Variants in ZC3H3 observed in about 807,000 individuals in gnomAD.
The protein encoded by ZC3H3 is zinc finger CCCH domain-containing protein 3.
A neutral mutation model predicts 77.3 loss-of-function variants in ZC3H3; 36 were observed. That is an observed-to-expected ratio of 0.47 (90% confidence interval 0.36 to 0.61). The LOEUF (loss-of-function observed/expected upper bound fraction) is 0.61. ZC3H3 is among the 20% of genes least tolerant of loss of function. The pLI, the probability that ZC3H3 is intolerant of heterozygous loss-of-function variation, is 0.00. For synonymous variants in ZC3H3, 626 were observed against 555.2 expected, an observed-to-expected ratio of 1.13 and a Z score of -1.79; for missense variants, 1,331 against 1,312.2, an observed-to-expected ratio of 1.01 and a Z score of -0.22.
rs751324320 is a variant in ZC3H3 at position 143,468,370 on chromosome 8, G to A, written c.2105+12C>T. 4.3e-6 allele frequency: 7 copies of A among 1,612,402 alleles called. No homozygotes were observed. The highest frequency in any genetic ancestry group is 2.2e-5 in the East Asian group (1 of 44,844). On this transcript the variant is annotated intron_variant, in intron 7 of 11. Coordinates refer to ENST00000262577, the MANE Select transcript of ZC3H3 (RefSeq NM_015117.3). ...AACCTCCCCCAGGCCCACAGCGAGG[G>A]CAGGAGGGCACCTGGTGCACACGGC...
intron 3 of ZC3H3, chr8:143,523,626 C>A: frequency 1.4e-5 from 11 of 797,088 alleles, no homozygotes; most frequent in African/African-American, 1.9e-5. Context: ...CTGTCCTCAT[C>A]CAGCTTGGGC....
chr8:143,499,615 A>G (rs1821463405), intron 4 of ZC3H3, among the ~76,000 whole-genome samples: 1 of 151,900 alleles, frequency 6.6e-6, no homozygotes, highest in Admixed American at 6.5e-5. Flanking sequence ...CACAGCATTC[A>G]GGGCCGCCCT....
intron 9 of ZC3H3, among the ~76,000 whole-genome samples, chr8:143,464,200 G>A (rs1365956384): frequency 6.6e-5 from 10 of 152,268 alleles, no homozygotes; most frequent in South Asian, 2.1e-4. Context: ...GCGCCGCGGC[G>A]CGGACACACG....
intron 3 of ZC3H3, among the ~76,000 whole-genome samples, 162 bp from the exon 4 acceptor site, chr8:143,508,061 T>C (rs1821761757): frequency 6.6e-6 from 1 of 152,154 alleles, no homozygotes; most frequent in Non-Finnish European, 1.5e-5. Flanking sequence ...GGCACACACA[T>C]CCCCAGGGCG....
intron 11 of ZC3H3, among the ~76,000 whole-genome samples, chr8:143,439,138 G>A (rs573098647): frequency 4.6e-5 from 7 of 151,892 alleles, no homozygotes; most frequent in African/African-American, 1.5e-4. Context: ...TCGCTGCCTC[G>A]GGGCCCCATC....
intron 3 of ZC3H3, among the ~76,000 whole-genome samples, chr8:143,517,938 G>T (rs1202078469): frequency 1.3e-5 from 2 of 152,210 alleles, no homozygotes; most frequent in East Asian, 1.9e-4. Flanking sequence ...CCTGCTCGGG[G>T]CCAGGACAGC....
intron 9 of ZC3H3, among the ~76,000 whole-genome samples, chr8:143,464,215 G>A (rs1413068080): frequency 3.9e-5 from 6 of 152,266 alleles, no homozygotes; most frequent in Non-Finnish European, 7.3e-5. Context: ...CACACGGAAA[G>A]GCAGCAGTAA....
chr8:143,465,723 A>AC lies in ZC3H3; in HGVS notation c.2300dup (p.Ala768CysfsTer164). ...GCCCCCACAGACCACTCACCTTTGC[A>AC]CCCAGGGGGCAGTAGCCTTTGAGGA... On this transcript the variant is annotated frameshift_variant, in exon 9 of 12. Transcript: ENST00000262577. LOFTEE classifies it high-confidence loss of function. The AC allele has an allele frequency of 6.2e-7, 1 of 1,613,668 alleles. No homozygotes were observed. The highest frequency in any genetic ancestry group is 8.5e-7 in the Non-Finnish European group (1 of 1,179,952).
chr8:143,474,133 G>A (rs922445533), intron 5 of ZC3H3, among the ~76,000 whole-genome samples: 2 of 152,122 alleles, frequency 1.3e-5, no homozygotes, highest in Non-Finnish European at 2.9e-5. Context: ...GCAGAGATGA[G>A]ACCACACGCA....
chr8:143,440,848 G>C (rs2294115), intron 10 of ZC3H3, 88 bp downstream of exon 10: 1 of 1,284,560 alleles, frequency 7.8e-7, no homozygotes, highest in South Asian at 2.4e-5. Flanking sequence ...TGGAGTTGGC[G>C]GGAGCTCAAC....
At chr8:143,506,310 G>A (rs865847177) in intron 4 of ZC3H3, among the ~76,000 whole-genome samples, 66 of 152,350 alleles carry the variant, frequency 4.3e-4, no homozygotes, top group Middle Eastern at 6.8e-3. Flanking sequence ...ACCACAGGAC[G>A]GGAAGCAGGA....
At chr8:143,455,000 G>C (rs182602076) in intron 9 of ZC3H3, among the ~76,000 whole-genome samples, 1 of 151,972 alleles carries the variant, frequency 6.6e-6, no homozygotes, top group African/African-American at 2.4e-5. Flanking sequence ...TAGGTAAAAA[G>C]GTCAAAGTTC....
At chr8:143,527,930 C>A (rs1197071069) in intron 3 of ZC3H3, among the ~76,000 whole-genome samples, 2 of 152,218 alleles carry the variant, frequency 1.3e-5, no homozygotes, top group Non-Finnish European at 2.9e-5. Context: ...GGGCCAAAGT[C>A]TCCCGCCAGG....
At chr8:143,464,657 G>A (rs1820359576) in intron 9 of ZC3H3, among the ~76,000 whole-genome samples, 1 of 152,224 alleles carries the variant, frequency 6.6e-6, no homozygotes, top group Admixed American at 6.5e-5. Context: ...GGCTGAGAAA[G>A]GGTTCCTGGG....
intron 4 of ZC3H3, among the ~76,000 whole-genome samples, chr8:143,502,026 A>G (rs1023620837): frequency 6.6e-6 from 1 of 152,210 alleles, no homozygotes; most frequent in African/African-American, 2.4e-5. Flanking sequence ...CATCCTCATA[A>G]GAGACCCCAG....
At chr8:143,453,845 G>A (rs914461714) in intron 9 of ZC3H3, among the ~76,000 whole-genome samples, 2 of 152,198 alleles carry the variant, frequency 1.3e-5, no homozygotes, top group African/African-American at 4.8e-5. Flanking sequence ...GGTTAAGGGA[G>A]ATGAGGGAAG....
In ZC3H3 at chr8:143,465,831, G is replaced by T; in HGVS notation, c.2193C>A (p.Tyr731Ter). 1 of 1,612,442 alleles carries T rather than the reference G, an allele frequency of 6.2e-7. No homozygotes were observed. The highest frequency in any genetic ancestry group is 8.5e-7 in the Non-Finnish European group (1 of 1,179,954). The part of the protein sequence containing the change: ...VSKEKMPVCS[Y>*]FLKGICSNSN... ...TGTTGCTGCAGATGCCCTTCAGGAA[G>T]TAGGAGCACACCGGCATCTGCAGGG... Residue 731 changes from tyrosine (Y) to a stop codon, truncating the protein, a stop_gained, in exon 9 of 12, where the codon TAC (tyrosine) becomes TAA (stop). Coordinates refer to ENST00000262577, the MANE Select transcript of ZC3H3 (RefSeq NM_015117.3). LOFTEE classifies it high-confidence loss of function.
At chr8:143,495,259 C>A (rs1285589399) in intron 4 of ZC3H3, among the ~76,000 whole-genome samples, 1 of 152,216 alleles carries the variant, frequency 6.6e-6, no homozygotes, top group Non-Finnish European at 1.5e-5. Context: ...AGCAATGACA[C>A]GAGCCTGAAT....
At chr8:143,473,725 T>C (rs1345679240) in intron 5 of ZC3H3, among the ~76,000 whole-genome samples, 1 of 152,178 alleles carries the variant, frequency 6.6e-6, no homozygotes, top group Non-Finnish European at 1.5e-5. Flanking sequence ...CATGGCTTTG[T>C]CCCTGGGGGT....
Sources: allele counts gnomAD v4.1 joint callset (sites outside exome capture counted in the v4.1 genomes callset), GRCh38; gene constraint gnomAD v4.1.1; transcripts MANE v1.5; gene names NCBI Gene and HGNC (gene_info 2026-07-23, HGNC 2026-07-21).